Variants in CDH13 observed in about 807,000 individuals in gnomAD.
The protein encoded by CDH13 is cadherin-13.
Under a neutral mutation model 63.8 loss-of-function variants are expected in CDH13, and 24 were observed. That is an observed-to-expected ratio of 0.38 (90% CI 0.27 to 0.53). The LOEUF (loss-of-function observed/expected upper bound fraction) is 0.53, where lower values mean the gene tolerates loss of function less well. CDH13 is among the 20% of genes least tolerant of loss of function. The probability of loss-of-function intolerance (pLI) is 0.85; values close to 1 mark genes in which losing one functional copy is unlikely to be tolerated. For synonymous variants in CDH13, 503 were observed against 355.3 expected, an observed-to-expected ratio of 1.42 and a Z score of -4.67; for missense variants, 1,049 against 903.1, an observed-to-expected ratio of 1.16 and a Z score of -2.07.
chr16:82,699,089 C>A (rs1028083681), intron 1 of CDH13, among the ~76,000 whole-genome samples: 38 of 152,166 alleles, frequency 2.5e-4, no homozygotes, highest in African/African-American at 8.7e-4. Flanking sequence ...ATACAATATT[C>A]TGTTGGCAAA....
rs903760376 is a variant in CDH13, at chr16:82,644,395, G to T, written c.45+17258G>T. ...CCTACGGAGTTCCTTTGATTCTCAG[G>T]TCCCTTAACCATGGAACGTACTCCT... On this transcript the variant is annotated intron_variant, in intron 1 of 13. Transcript: ENST00000567109. The surrounding 1 kb of genome is among the most constrained non-coding windows in gnomAD (Gnocchi z 5.7). Among the ~76,000 whole-genome samples, 2 of 152,044 alleles carry T rather than the reference G, an allele frequency of 1.3e-5. No individual in the cohort carries two copies. Among genetic ancestry groups the T allele is most frequent in the Non-Finnish European group, 2.9e-5 (2 of 68,016 alleles).
chr16:83,360,065 C>A (rs1324254698), intron 6 of CDH13, among the ~76,000 whole-genome samples: 2 of 152,158 alleles, frequency 1.3e-5, no homozygotes, highest in Non-Finnish European at 2.9e-5. Context: ...TTTTACTTAG[C>A]GTGTTGTTCA....
chr16:83,038,173 C>T (rs1917032310), intron 3 of CDH13, among the ~76,000 whole-genome samples: 1 of 152,214 alleles, frequency 6.6e-6, no homozygotes, highest in Non-Finnish European at 1.5e-5. Context: ...CAAATATAAT[C>T]ACAGTTAAGC....
chr16:83,322,040 C>G lies in CDH13; in HGVS notation c.637-22822C>G, dbSNP rs545038997. ...CCACTGGAGACAGCAGGGACTTCAGCAGGGCTGGCTGCAGACTGGAAGTCA... is the reference window on the plus strand; with the variant it reads ...CCACTGGAGACAGCAGGGACTTCAGGAGGGCTGGCTGCAGACTGGAAGTCA... On this transcript the variant is annotated intron_variant, in intron 5 of 13. Transcript: ENST00000567109. Among the ~76,000 whole-genome samples, 27 of 152,282 alleles carry G rather than the reference C, an allele frequency of 1.8e-4. No homozygotes were observed. The East Asian group carries it at 4.6e-3, about 26-fold the overall frequency.
chr16:83,300,646 C>T (rs907881108), intron 5 of CDH13, among the ~76,000 whole-genome samples: 1 of 152,114 alleles, frequency 6.6e-6, no homozygotes, highest in Non-Finnish European at 1.5e-5. Flanking sequence ...CTCCCAGAAC[C>T]TAGTATCTTG....
chr16:83,336,465 C>T (rs12934530), intron 5 of CDH13, among the ~76,000 whole-genome samples: 151,020 of 152,216 alleles, frequency 0.99, 74,926 homozygotes, highest in Middle Eastern at 1. Context: ...AGAGGTAATT[C>T]GGAGGGAAAA....
At chr16:82,795,224 G>A (rs2036523963) in intron 1 of CDH13, among the ~76,000 whole-genome samples, 1 of 152,180 alleles carries the variant, frequency 6.6e-6, no homozygotes, top group Non-Finnish European at 1.5e-5. Flanking sequence ...ATGTCTATTG[G>A]AATGAATAAT....
intron 6 of CDH13, among the ~76,000 whole-genome samples, chr16:83,360,934 T>C (rs1378540551): frequency 2.6e-5 from 4 of 152,250 alleles, no homozygotes; most frequent in Non-Finnish European, 5.9e-5. Flanking sequence ...TGTGTCTTTT[T>C]GGTAGAACAA....
intron 2 of CDH13, among the ~76,000 whole-genome samples, chr16:82,979,532 T>C (rs1397831274): frequency 1.3e-5 from 2 of 152,164 alleles, no homozygotes; most frequent in African/African-American, 2.4e-5. Flanking sequence ...CTGATGGTTT[T>C]ATAAAGGGCG....
chr16:82,880,178 C>T (rs970155664), intron 2 of CDH13, among the ~76,000 whole-genome samples: 1 of 151,838 alleles, frequency 6.6e-6, no homozygotes, highest in Non-Finnish European at 1.5e-5. Flanking sequence ...TTTGTATCGC[C>T]CTATATATTT....
At chr16:83,011,941 A>G (rs1215560139) in intron 2 of CDH13, among the ~76,000 whole-genome samples, 1 of 152,230 alleles carries the variant, frequency 6.6e-6, no homozygotes. Flanking sequence ...TATTAATGAA[A>G]GAGTGAGTAA....
intron 11 of CDH13, among the ~76,000 whole-genome samples, chr16:83,762,583 G>T (rs1372533579): frequency 6.6e-6 from 1 of 152,178 alleles, no homozygotes; most frequent in Non-Finnish European, 1.5e-5. Context: ...CCTGTCTTAT[G>T]TGGGCTGAAA....
rs140012223 is a variant in CDH13, at chr16:83,452,873, C to T, written c.782-33604C>T. The stretch of plus-strand genomic sequence containing the variant: ...TATTATTAGTCTCAGTCAGTTTCCC[C>T]TCCTTTTGTTCCAGGAACACCAGCA... On this transcript the variant is annotated intron_variant, in intron 6 of 13. Coordinates refer to ENST00000567109, the MANE Select transcript of CDH13 (RefSeq NM_001257.5). 7.0e-3 allele frequency among the ~76,000 whole-genome samples: 1,059 copies of T among 152,258 alleles called. 58 individuals are homozygous for T. The highest frequency in any genetic ancestry group is 0.063 in the Admixed American group (970 of 15,278).
chr16:83,647,300 G>A (rs1384142837), intron 8 of CDH13, among the ~76,000 whole-genome samples: 2 of 142,398 alleles, frequency 1.4e-5, no homozygotes, highest in Admixed American at 7.0e-5. Flanking sequence ...GTGACAGAGT[G>A]AGACTCTGTC....
chr16:83,509,564 G>T (rs2074506502), intron 7 of CDH13, among the ~76,000 whole-genome samples: 1 of 152,176 alleles, frequency 6.6e-6, no homozygotes, highest in Admixed American at 6.5e-5. Flanking sequence ...ATTAGCTGTG[G>T]TTTGCTGACC....
intron 6 of CDH13, among the ~76,000 whole-genome samples, chr16:83,430,938 G>T (rs1271051360): frequency 1.3e-5 from 2 of 151,380 alleles, no homozygotes; most frequent in Admixed American, 1.3e-4. Flanking sequence ...TCTAGCATTA[G>T]GTATATCTCC....
intron 1 of CDH13, among the ~76,000 whole-genome samples, chr16:82,800,789 T>C (rs761320382): frequency 1.3e-5 from 2 of 152,228 alleles, no homozygotes; most frequent in Non-Finnish European, 2.9e-5. Flanking sequence ...AAATTTGTTC[T>C]GGTATTTGGG....
At chr16:83,670,007 T>C (rs1208173281) in intron 8 of CDH13, among the ~76,000 whole-genome samples, 2 of 152,216 alleles carry the variant, frequency 1.3e-5, no homozygotes, top group Admixed American at 1.3e-4. Context: ...TTTCATTTAT[T>C]GATTTATTTT....
chr16:83,455,583 C>T (rs1414006645), intron 6 of CDH13, among the ~76,000 whole-genome samples: 2 of 152,166 alleles, frequency 1.3e-5, no homozygotes, highest in Non-Finnish European at 2.9e-5. Flanking sequence ...CCTTCTTGTG[C>T]TCTTCTCTGC....
Sources: allele counts gnomAD v4.1 joint callset (sites outside exome capture counted in the v4.1 genomes callset), GRCh38; gene constraint gnomAD v4.1.1; non-coding constraint Gnocchi (gnomAD v3.1); transcripts MANE v1.5; gene names NCBI Gene and HGNC (gene_info 2026-07-23, HGNC 2026-07-21).